Variants in AVIL observed in about 807,000 individuals in gnomAD.
AVIL encodes the protein advillin.
Under a neutral mutation model 109.9 loss-of-function variants are expected in AVIL, and 78 were observed. The observed-to-expected ratio is 0.71, with a 90% CI of 0.59 to 0.86. The LOEUF is 0.86. Ranked by LOEUF, AVIL falls within the 40% of genes least tolerant of loss-of-function variation. The pLI is 0.00. For synonymous variants in AVIL, 367 were observed against 379.1 expected (o/e 0.97, Z 0.37); for missense variants, 892 against 1,016.5 (o/e 0.88, Z 1.67).
chr12:57,806,133 C>CA, intron 14 of AVIL: 1 of 141,974 alleles, frequency 7.0e-6, no homozygotes, highest in East Asian at 2.1e-4. Flanking sequence ...CCGTGCCCAG[C>CA]TTTTTTTTTT....
intron 18 of AVIL, 176 bp from the exon 19 acceptor site, chr12:57,800,096 A>G: frequency 2.4e-6 from 2 of 847,192 alleles, no homozygotes; most frequent in Admixed American, 5.8e-5. Flanking sequence ...TGGGAATAGA[A>G]AATATTCAGA....
rs753412696 is a variant in AVIL at position 57,808,510 on chromosome 12, A to G, written c.978T>C (p.Asn326=). Residue 326 remains asparagine (N), a synonymous_variant, in exon 10 of 20, where the codon AAT becomes AAC. Transcript: ENST00000549994. ...IKMKSYPSST[N]VETVNDGAES... The stretch of plus-strand genomic sequence containing the variant: ...CAGCACCATCGTTGACGGTCTCCAC[A>G]TTGGTGCTGCTGGGGTAGCTCTTCA... 8 of 1,614,074 alleles carry G rather than the reference A, an allele frequency of 5.0e-6. No individual in the cohort carries two copies. Among genetic ancestry groups the G allele is most frequent in the Non-Finnish European group, 5.1e-6 (6 of 1,180,002 alleles).
At chr12:57,808,037 ACT>A (rs1024946010) in intron 11 of AVIL, 155 bp downstream of exon 11, 21 of 895,108 alleles carry the variant, frequency 2.3e-5, no homozygotes, top group East Asian at 1.5e-4. Context: ...TACCCTGAAA[ACT>A]CTACAGACTC....
chr12:57,809,740 A>C (rs1956010494), intron 8 of AVIL, 45 bp from the exon 9 acceptor site: 1 of 1,613,700 alleles, frequency 6.2e-7, no homozygotes, highest in East Asian at 2.2e-5. Flanking sequence ...ACCAGAAGGA[A>C]GATTTTGCAC....
At chr12:57,805,266 G>A (rs1171255669) in intron 14 of AVIL, among the ~76,000 whole-genome samples, 5 of 151,680 alleles carry the variant, frequency 3.3e-5, no homozygotes, top group East Asian at 1.9e-4. Flanking sequence ...CATGCTGGCC[G>A]GGCTGGTCTC....
intron 14 of AVIL, among the ~76,000 whole-genome samples, chr12:57,805,180 G>A (rs544273493): frequency 2.0e-5 from 3 of 148,296 alleles, no homozygotes; most frequent in Middle Eastern, 3.2e-3. Context: ...CTCAGCCTCC[G>A]GAGTAGCTGG....
chr12:57,808,240 A>G lies in AVIL; in HGVS notation c.1148T>C (p.Val383Ala). The change falls in exon 11 of 20, where the codon GTA (valine) becomes GCA (alanine). Residue 383 changes from valine to alanine, a missense_variant. Transcript: ENST00000549994. ...DVTLLHTKPE[V>A]AAQERMVDDG... ...ATCGACCATTCTTTCCTGGGCAGCT[A>G]CCTCTGGCTTGGTGTGTAGCAGAGT... is the stretch of plus-strand genomic sequence containing the variant. 5.6e-6 allele frequency: 9 copies of G among 1,614,184 alleles called. No homozygotes were observed. Among genetic ancestry groups the G allele is most frequent in the Non-Finnish European group, 7.6e-6 (9 of 1,180,034 alleles).
chr12:57,809,685 A>G lies in AVIL; in HGVS notation c.851T>C (p.Ile284Thr), dbSNP rs1956008906. 1 of 1,614,030 alleles carries G rather than the reference A, an allele frequency of 6.2e-7. No individual in the cohort carries two copies. Among genetic ancestry groups the G allele is most frequent in the African/African-American group, 1.3e-5 (1 of 74,914 alleles). Residue 284 changes from isoleucine to threonine, a missense_variant, in exon 9 of 20, where the codon ATC (isoleucine) becomes ACC (threonine). Physicochemically the swap from Ile to Thr is moderately conservative, Grantham distance 89. Coordinates refer to ENST00000549994, the MANE Select transcript of AVIL (RefSeq NM_006576.4). ...GATTTTGGTTCCACTTTGGTCCAGG[A>G]TGTAGCAGTCCTAAAGCAGCCAGAG... ...QDLLNHDDCYILDQSGTKIYV... is the reference protein window; with the variant it reads ...QDLLNHDDCYTLDQSGTKIYV...
chr12:57,803,197 C>T, intron 16 of AVIL, 50 bp downstream of exon 16: 1 of 1,610,680 alleles, frequency 6.2e-7, no homozygotes, highest in South Asian at 1.1e-5. Context: ...AAAAACAACC[C>T]TTACTGTGGG....
chr12:57,811,373 C>A (rs1043363816), intron 4 of AVIL, among the ~76,000 whole-genome samples: 1 of 152,130 alleles, frequency 6.6e-6, no homozygotes, highest in African/African-American at 2.4e-5. Context: ...TGAACCAATA[C>A]CCAGAAGAAT....
chr12:57,801,157 A>C lies in AVIL; in HGVS notation c.2207T>G (p.Met736Arg), dbSNP rs769090713. The C allele has an allele frequency of 6.2e-7, 1 of 1,613,720 alleles. No homozygotes were observed. The highest frequency in any genetic ancestry group is 8.5e-7 in the Non-Finnish European group (1 of 1,179,824). Residue 736 changes from methionine (M) to arginine (R), a missense_variant, in exon 18 of 20, where the codon ATG becomes AGG. Met to Arg is a moderately conservative substitution (Grantham distance 91, BLOSUM62 -1). Coordinates refer to ENST00000549994, the MANE Select transcript of AVIL (RefSeq NM_006576.4). ...KEELGDAAAI[M>R]RITADMKNAT... ...AACCCGACTCACAGCAGTGATTCGC[A>C]TGATAGCAGCAGCATCTCCCAGCTC...
chr12:57,814,213 G>T lies in AVIL; in HGVS notation c.80C>A (p.Ala27Glu). 6.2e-7 allele frequency: 1 copy of T among 1,612,662 alleles called. No individual in the cohort carries two copies. Among genetic ancestry groups the T allele is most frequent in the Admixed American group, 1.7e-5 (1 of 59,918 alleles). ...IVWRIEKMEL[A>E]LVPVSAHGNF... ...GCCGTGGGCGCTCACAGGCACCAGC[G>T]CCAGCTCCATTTTCTGGAAGGACAA... The change falls in exon 3 of 20, where the codon GCG (alanine) becomes GAG (glutamate). Residue 27 changes from alanine to glutamate, a missense_variant. Coordinates refer to ENST00000549994, the MANE Select transcript of AVIL (RefSeq NM_006576.4).
chr12:57,815,900 G>A lies in AVIL; in HGVS notation c.66+75C>T, dbSNP rs556595737. 1.1e-5 allele frequency: 18 copies of A among 1,606,136 alleles called. No homozygotes were observed. In the Admixed American group the frequency reaches 1.7e-4, roughly 15 times the overall value. ...GGCTAAGGGGTGCTGGCGGGCTGTT[G>A]CCTAGCAGCCCCAGGCAGCCAGACT... On this transcript the variant is annotated intron_variant, in intron 2 of 19. Transcript: ENST00000549994.
At position 57,811,109 on chromosome 12, in the gene AVIL, G is replaced by A. The variant is rs1956032487; in HGVS notation, c.357C>T (p.Val119=). The A allele has an allele frequency of 1.2e-6, 2 of 1,614,054 alleles. No homozygotes were observed. Among genetic ancestry groups the A allele is most frequent in the East Asian group, 2.2e-5 (1 of 44,870 alleles). ...TCTCCACGTGCTTCATCCCAGAGGC[G>A]ACACCCCCCTGCTTGTAGCTAAGGG... ...KQGIIYKQGG[V]ASGMKHVETN... is the part of the protein sequence containing the mutation. The change falls in exon 5 of 20, where the codon GTC becomes GTT. Residue 119 remains valine, a synonymous_variant. Transcript: ENST00000549994.
chr12:57,812,562 A>T (rs901946397), intron 4 of AVIL, among the ~76,000 whole-genome samples: 11 of 150,824 alleles, frequency 7.3e-5, no homozygotes, highest in Non-Finnish European at 1.3e-4. Flanking sequence ...GGGTTTCACC[A>T]TGTTGATCAG....
intron 14 of AVIL, among the ~76,000 whole-genome samples, chr12:57,805,565 C>T (rs923753841): frequency 2.7e-5 from 4 of 149,486 alleles, no homozygotes; most frequent in African/African-American, 9.9e-5. Flanking sequence ...TGGAGTTTCA[C>T]TCTTGTTGCC....
rs776907036 is a variant in AVIL, at chr12:57,807,604, A to G, written c.1318T>C (p.Leu440=). 4.3e-6 allele frequency: 7 copies of G among 1,614,114 alleles called. No individual in the cohort carries two copies. In the South Asian group the frequency reaches 6.6e-5, roughly 15 times the overall value. ...YEVNGKPHHI[L]YIWQGRHASQ... is the part of the protein sequence containing the mutation. ...GCCAGGCCTACCTGCCAGATGTACA[A>G]GATGTGATGTGGCTTCCCATTTACC... is the stretch of plus-strand genomic sequence containing the variant. The change falls in exon 12 of 20, where the codon TTG becomes CTG. Residue 440 remains leucine (L), a synonymous_variant. Transcript: ENST00000549994.
At chr12:57,813,103 G>T in intron 4 of AVIL, 124 bp downstream of exon 4, 1 of 1,220,006 alleles carries the variant, frequency 8.2e-7, no homozygotes, top group South Asian at 1.5e-5. Flanking sequence ...CTAGTGGGTG[G>T]AAGTGACAGC....
chr12:57,807,978 T>G (rs1250239065), intron 11 of AVIL: 1 of 791,532 alleles, frequency 1.3e-6, no homozygotes, highest in East Asian at 2.6e-5. Context: ...GATTTGAATA[T>G]ATCTTCCAGG....
Sources: gnomAD v4.1 joint callset for allele counts (sites outside exome capture counted in the v4.1 genomes callset) on GRCh38, gnomAD v4.1.1 for gene constraint, MANE v1.5 for transcripts, NCBI Gene and HGNC (gene_info 2026-07-23, HGNC 2026-07-21) for gene names.